The following TACR3 variants were observed in gnomAD, a reference collection of about 807,000 sequenced individuals.
TACR3 encodes tachykinin receptor 3.
In TACR3, 34 loss-of-function variants were observed where a neutral mutation model predicts 35.0. That is an observed-to-expected ratio of 0.97 (90% confidence interval 0.74 to 1.30). The LOEUF is 1.30. Among genes scored for constraint, TACR3 ranks in the 50% most tolerant of loss-of-function variants. The pLI is 0.00. For synonymous variants in TACR3, 233 were observed against 221.1 expected (o/e 1.05, Z -0.48); for missense variants, 558 against 591.7 (o/e 0.94, Z 0.59).
chr4:103,609,301 GT>G (rs1225538111), intron 3 of TACR3, among the ~76,000 whole-genome samples: 2 of 152,080 alleles, frequency 1.3e-5, no homozygotes, highest in Admixed American at 6.6e-5. Flanking sequence ...TTGTGTTAGT[GT>G]GATTTATTTA....
intron 3 of TACR3, among the ~76,000 whole-genome samples, chr4:103,618,540 T>C (rs999626145): frequency 1.3e-5 from 2 of 151,014 alleles, no homozygotes; most frequent in Non-Finnish European, 2.9e-5. Context: ...TTCTTTTTGC[T>C]TAGGATTGCT....
chr4:103,652,979 T>G (rs1474123645), intron 3 of TACR3, among the ~76,000 whole-genome samples: 7 of 152,278 alleles, frequency 4.6e-5, no homozygotes, highest in Non-Finnish European at 7.4e-5. Flanking sequence ...AAGGGCCAGC[T>G]ATATTTTAAA....
intron 3 of TACR3, among the ~76,000 whole-genome samples, chr4:103,646,665 C>T (rs998251277): frequency 6.6e-6 from 1 of 151,756 alleles, no homozygotes; most frequent in Non-Finnish European, 1.5e-5. Context: ...TTGTCATTGC[C>T]AAGGATTTTT....
intron 3 of TACR3, among the ~76,000 whole-genome samples, chr4:103,628,851 G>T (rs1414038740): frequency 2.6e-5 from 3 of 117,320 alleles, no homozygotes; most frequent in Non-Finnish European, 5.5e-5. Flanking sequence ...AAGAATTTTA[G>T]ATCAATATCC....
At chr4:103,637,066 G>T (rs1338073564) in intron 3 of TACR3, among the ~76,000 whole-genome samples, 1 of 152,088 alleles carries the variant, frequency 6.6e-6, no homozygotes, top group Non-Finnish European at 1.5e-5. Context: ...GCAAAAGAGG[G>T]AATCCTCCCT....
At chr4:103,673,580 T>G (rs1340805232) in intron 1 of TACR3, among the ~76,000 whole-genome samples, 1 of 152,098 alleles carries the variant, frequency 6.6e-6, no homozygotes, top group Non-Finnish European at 1.5e-5. Context: ...TCTCTGATCA[T>G]AGGTCACCAG....
intron 4 of TACR3, 41 bp downstream of exon 4, chr4:103,591,446 G>A (rs773138060): frequency 1.9e-6 from 3 of 1,599,594 alleles, no homozygotes; most frequent in African/African-American, 1.3e-5. Context: ...CAGTGAAGGT[G>A]GGTGTGACAA....
intron 1 of TACR3, among the ~76,000 whole-genome samples, chr4:103,693,351 C>G (rs1357001103): frequency 1.3e-5 from 2 of 152,116 alleles, no homozygotes; most frequent in African/African-American, 2.4e-5. Flanking sequence ...GGCAGACACA[C>G]AGAGGTGAAG....
chr4:103,605,570 G>C (rs1341678628), intron 3 of TACR3, among the ~76,000 whole-genome samples: 2 of 151,102 alleles, frequency 1.3e-5, no homozygotes, highest in East Asian at 3.9e-4. Flanking sequence ...GCATTTCTCT[G>C]ATGGCCAGTG....
intron 3 of TACR3, among the ~76,000 whole-genome samples, chr4:103,603,324 C>T (rs953068903): frequency 2.6e-5 from 4 of 152,212 alleles, no homozygotes; most frequent in Non-Finnish European, 5.9e-5. Flanking sequence ...AAAGGGAATT[C>T]CCTTACCCCT....
intron 1 of TACR3, among the ~76,000 whole-genome samples, chr4:103,666,284 A>C (rs2110334179): frequency 6.6e-6 from 1 of 152,280 alleles, no homozygotes. Flanking sequence ...GATTAGAAAA[A>C]TAAGTGGGGG....
At chr4:103,677,925 T>C (rs1726206543) in intron 1 of TACR3, among the ~76,000 whole-genome samples, 1 of 145,626 alleles carries the variant, frequency 6.9e-6, no homozygotes, top group African/African-American at 2.6e-5. Flanking sequence ...GTGAGTGGCA[T>C]AGAAAGAAAA....
chr4:103,700,549 A>G (rs1313534660), intron 1 of TACR3, among the ~76,000 whole-genome samples: 1 of 152,202 alleles, frequency 6.6e-6, no homozygotes. Flanking sequence ...GCAGGCTTCT[A>G]TTACTCCAAA....
Position 103,658,238 on chromosome 4 carries a change from T to A in TACR3, c.714A>T (p.Pro238=). ...ACGTGAAATGTTGTTTGGGACCTTC[T>A]GGCCATTGCACAAAGCAGAGAGTAC... ...PGRTLCFVQW[P]EGPKQHFTYH... is the part of the protein sequence containing the mutation. The change falls in exon 2 of 5, where the codon CCA becomes CCT. Residue 238 remains proline (P), a synonymous_variant. Transcript: ENST00000304883. 6.2e-7 allele frequency: 1 copy of A among 1,613,970 alleles called. No homozygotes were observed. The highest frequency in any genetic ancestry group is 8.5e-7 in the Non-Finnish European group (1 of 1,179,894).
At chr4:103,699,056 T>A (rs1486233165) in intron 1 of TACR3, among the ~76,000 whole-genome samples, 1 of 152,240 alleles carries the variant, frequency 6.6e-6, no homozygotes, top group Non-Finnish European at 1.5e-5. Flanking sequence ...GCACTCTACT[T>A]ATTATTCATT....
In TACR3 at chr4:103,586,174, A is replaced by T. The variant is rs1225051302; in HGVS notation, c.*3508T>A. On this transcript the variant is annotated 3_prime_UTR_variant, in exon 5 of 5. Transcript: ENST00000304883. ...CTTGAAAATACTTTATTCACTACAA[A>T]CTTTATATACATTTACTTCTTATAT... is the stretch of plus-strand genomic sequence containing the variant. 6.6e-6 allele frequency: 1 copy of T among 151,858 alleles called. No individual in the cohort carries two copies. Among genetic ancestry groups the T allele is most frequent in the Non-Finnish European group, 1.5e-5 (1 of 67,964 alleles). The allele number at this position is 151,858 out of a possible 1,614,324, so 9.4% of individuals were successfully genotyped here.
chr4:103,717,344 T>C (rs1723111285), intron 1 of TACR3, among the ~76,000 whole-genome samples: 1 of 152,124 alleles, frequency 6.6e-6, no homozygotes, highest in Admixed American at 6.5e-5. Context: ...TTGTATACTC[T>C]AAATTTGTTA....
intron 3 of TACR3, among the ~76,000 whole-genome samples, chr4:103,614,956 G>A (rs187030436): frequency 0.023 from 3,064 of 135,082 alleles, 118 homozygotes; most frequent in African/African-American, 0.082. Context: ...GTGCAGTGGC[G>A]CGATCTCCGC....
intron 3 of TACR3, among the ~76,000 whole-genome samples, chr4:103,610,400 C>T (rs2110296890): frequency 1.3e-5 from 2 of 151,964 alleles, no homozygotes; most frequent in Middle Eastern, 6.8e-3. Context: ...TTTTCATATA[C>T]CTGTTAGTCC....
Sources: allele counts gnomAD v4.1 joint callset (sites outside exome capture counted in the v4.1 genomes callset), GRCh38; gene constraint gnomAD v4.1.1; transcripts MANE v1.5; gene names NCBI Gene and HGNC (gene_info 2026-07-23, HGNC 2026-07-21).